The following PRKG1 variants were observed in gnomAD, a reference collection of about 807,000 sequenced individuals.
PRKG1 encodes cGMP-dependent protein kinase 1.
PRKG1 carries 35 observed loss-of-function variants against 88.1 expected under a neutral mutation model. The ratio of observed to expected loss-of-function variants is 0.40; its 90% CI spans 0.30 to 0.53. The LOEUF is 0.53. PRKG1 is among the 20% of genes least tolerant of loss of function. The pLI is 0.59. For synonymous variants in PRKG1, 303 were observed against 292.5 expected (o/e 1.04, Z -0.37); for missense variants, 540 against 839.8 (o/e 0.64, Z 4.41).
intron 2 of PRKG1, among the ~76,000 whole-genome samples, chr10:51,412,929 C>G (rs932863764): frequency 2.6e-5 from 4 of 152,082 alleles, no homozygotes; most frequent in Admixed American, 2.6e-4. Context: ...AAATAAGGGG[C>G]TCAAGCCTCT....
chr10:51,308,338 G>T (rs1160260264), intron 2 of PRKG1, among the ~76,000 whole-genome samples: 4 of 152,102 alleles, frequency 2.6e-5, no homozygotes, highest in Admixed American at 2.6e-4. Flanking sequence ...TGGTGATCAT[G>T]CACAAGCCAT....
intron 3 of PRKG1, among the ~76,000 whole-genome samples, chr10:51,486,247 C>G (rs1840537009): frequency 6.6e-6 from 1 of 152,068 alleles, no homozygotes; most frequent in South Asian, 2.1e-4. Flanking sequence ...CTCCATCCCC[C>G]TTTCCCCCAT....
chr10:51,643,062 T>A (rs2132300822), intron 3 of PRKG1, among the ~76,000 whole-genome samples: 1 of 152,324 alleles, frequency 6.6e-6, no homozygotes, highest in South Asian at 2.1e-4. Context: ...TACTGAGATG[T>A]AATGATAGAC....
At chr10:51,972,173 G>A (rs1843728000) in intron 5 of PRKG1, among the ~76,000 whole-genome samples, 1 of 151,904 alleles carries the variant, frequency 6.6e-6, no homozygotes, top group Admixed American at 6.6e-5. Context: ...TGTTTCATAT[G>A]TTTAACATTT....
intron 3 of PRKG1, among the ~76,000 whole-genome samples, chr10:51,800,723 C>T (rs1484049344): frequency 6.6e-6 from 1 of 152,092 alleles, no homozygotes; most frequent in African/African-American, 2.4e-5. Flanking sequence ...ACCAGAGAGG[C>T]TGGCTTCTTG....
chr10:51,075,043 T>C, intron 1 of PRKG1, 142 bp downstream of exon 1: 1 of 1,245,966 alleles, frequency 8.0e-7, no homozygotes, highest in Non-Finnish European at 1.1e-6. Context: ...AACGGGCACT[T>C]CTTGCGGGGC....
intron 5 of PRKG1, among the ~76,000 whole-genome samples, chr10:52,009,896 G>C (rs536647745): frequency 6.6e-6 from 1 of 151,956 alleles, no homozygotes; most frequent in Non-Finnish European, 1.5e-5. Flanking sequence ...ATGTTTGACT[G>C]AGATGATGAA....
At chr10:51,111,912 A>G (rs1338753371) in intron 1 of PRKG1, among the ~76,000 whole-genome samples, 2 of 152,124 alleles carry the variant, frequency 1.3e-5, no homozygotes, top group African/African-American at 4.8e-5. Context: ...GTATGTCAAG[A>G]ATGAGCAGTA....
chr10:51,720,246 T>C (rs1048825804), intron 3 of PRKG1, among the ~76,000 whole-genome samples: 4 of 152,330 alleles, frequency 2.6e-5, no homozygotes, highest in African/African-American at 9.6e-5. Context: ...ATTCCCTGAT[T>C]ATAGCTTCTC....
chr10:51,324,902 G>A (rs1462229852), intron 2 of PRKG1, among the ~76,000 whole-genome samples: 2 of 152,176 alleles, frequency 1.3e-5, no homozygotes, highest in African/African-American at 4.8e-5. Flanking sequence ...TTTCAGCAGT[G>A]AGATAGCCAG....
chr10:51,087,216 C>G (rs1844275781), intron 1 of PRKG1, among the ~76,000 whole-genome samples: 1 of 152,058 alleles, frequency 6.6e-6, no homozygotes, highest in Non-Finnish European at 1.5e-5. Flanking sequence ...ACAATTTCCT[C>G]TCCAAAGAAA....
chr10:51,213,233 G>A (rs541310554), intron 2 of PRKG1, among the ~76,000 whole-genome samples: 52 of 151,870 alleles, frequency 3.4e-4, no homozygotes, highest in African/African-American at 9.9e-4. Context: ...ACCAAACACC[G>A]CATGTTTTCA....
At chr10:51,979,410 GTTTTTTTT>G (rs61150252) in intron 5 of PRKG1, among the ~76,000 whole-genome samples, 1 of 47,056 alleles carries the variant, frequency 2.1e-5, no homozygotes, top group African/African-American at 8.4e-5. Context: ...ATATTGGTCT[GTTTTTTTT>G]TTTTTTTTTT....
intron 3 of PRKG1, among the ~76,000 whole-genome samples, chr10:51,553,958 GTATGTATTAGATACGTGCATATTATATA>G (rs1468178395): frequency 3.0e-5 from 4 of 133,050 alleles, no homozygotes; most frequent in African/African-American, 1.2e-4. Flanking sequence ...TATAATATAT[GTATGTATTAGATACGTGCATATTATATA>G]TGCGTATGTG....
chr10:52,224,808 C>CATATATATATATAT (rs71032630), intron 9 of PRKG1, among the ~76,000 whole-genome samples: 1,338 of 106,062 alleles, frequency 0.013, 27 homozygotes, highest in African/African-American at 0.018. Context: ...AGTATTCCAT[C>CATATATATATATAT]ATATATATAT....
rs539983162 is a variant in PRKG1 at position 52,163,309 on chromosome 10, G to A, written c.1076+1346G>A. On this transcript the variant is annotated intron_variant, in intron 9 of 17. Transcript: ENST00000373980. Reference sequence around the variant, plus strand: ...ACATCTTATATATAATTTACATATAGTATATATGTAATTTTATATGTATTA... The same window carrying A: ...ACATCTTATATATAATTTACATATAATATATATGTAATTTTATATGTATTA... Among the ~76,000 whole-genome samples, 3 of 147,520 alleles carry A rather than the reference G, an allele frequency of 2.0e-5. No individual in the cohort carries two copies. The East Asian group carries it at 5.9e-4, about 29-fold the overall frequency.
chr10:51,386,238 C>T (rs1231122088), intron 2 of PRKG1, among the ~76,000 whole-genome samples: 1 of 152,044 alleles, frequency 6.6e-6, no homozygotes, highest in African/African-American at 2.4e-5. Context: ...CTAGGAAAAT[C>T]AGGGACTTGC....
intron 3 of PRKG1, among the ~76,000 whole-genome samples, chr10:51,499,953 T>A (rs1840974243): frequency 6.6e-6 from 1 of 152,104 alleles, no homozygotes; most frequent in South Asian, 2.1e-4. Flanking sequence ...AGTGAGAACC[T>A]GTCTCTAAAA....
chr10:51,943,666 G>A (rs1196589376), intron 5 of PRKG1, among the ~76,000 whole-genome samples: 1 of 152,008 alleles, frequency 6.6e-6, no homozygotes, highest in Non-Finnish European at 1.5e-5. Flanking sequence ...AGCATGAAGG[G>A]CTGTTGAACT....
Sources: gnomAD v4.1 joint callset for allele counts (sites outside exome capture counted in the v4.1 genomes callset) on GRCh38, gnomAD v4.1.1 for gene constraint, MANE v1.5 for transcripts, NCBI Gene and HGNC (gene_info 2026-07-23, HGNC 2026-07-21) for gene names.